The following DGKH variants were observed in gnomAD, a reference collection of about 807,000 sequenced individuals.
DGKH encodes diacylglycerol kinase eta, also known as DAG kinase eta.
DGKH carries 90 observed loss-of-function variants against 159.3 expected under a neutral mutation model. The observed-to-expected ratio is 0.57, with a 90% CI of 0.48 to 0.67. The LOEUF (loss-of-function observed/expected upper bound fraction) is 0.67, where lower values mean the gene tolerates loss of function less well. Ranked by LOEUF, DGKH falls within the 30% of genes least tolerant of loss-of-function variation. The probability of loss-of-function intolerance (pLI) is 0.00; values close to 1 mark genes in which losing one functional copy is unlikely to be tolerated. For missense variants in DGKH, 1,181 were observed against 1,506.1 expected (o/e 0.78, Z 3.57); for synonymous variants, 536 against 553.8 (o/e 0.97, Z 0.45).
At chr13:42,191,994 A>G (rs561248363) in intron 16 of DGKH, among the ~76,000 whole-genome samples, 110 of 152,240 alleles carry the variant, frequency 7.2e-4, no homozygotes, top group Admixed American at 8.5e-4. Context: ...TAATCTACCT[A>G]CTTCATTGGG....
At chr13:42,070,969 C>A in intron 1 of DGKH, 2 of 1,314,188 alleles carry the variant, frequency 1.5e-6, no homozygotes, top group Non-Finnish European at 1.1e-6. Flanking sequence ...TCTTTTGTCA[C>A]AATCATTGTC....
At chr13:42,160,283 A>T in intron 7 of DGKH, 147 bp downstream of exon 7, 2 of 1,123,542 alleles carry the variant, frequency 1.8e-6, no homozygotes, top group Non-Finnish European at 2.6e-6. Flanking sequence ...TTCTTTCCTT[A>T]CAGTATAGTC....
At position 42,099,218 on chromosome 13, in the gene DGKH, T is replaced by G. The variant is rs575772700; in HGVS notation, c.193-28245T>G. Among the ~76,000 whole-genome samples the G allele has an allele frequency of 5.3e-5, 8 of 152,326 alleles. No individual in the cohort carries two copies. In the South Asian group the frequency reaches 1.7e-3, roughly 32 times the overall value. On this transcript the variant is annotated intron_variant, in intron 1 of 29. Transcript: ENST00000337343. ...TCATCCTGTCCTGCTTGTGTTTCTT[T>G]GCCTTATTCCACATTATCAAGGCTT...
At chr13:42,097,318 C>T (rs1414310051) in intron 1 of DGKH, among the ~76,000 whole-genome samples, 1 of 152,220 alleles carries the variant, frequency 6.6e-6, no homozygotes, top group African/African-American at 2.4e-5. Context: ...CCTATCTCCC[C>T]CATTTTTCAT....
intron 21 of DGKH, among the ~76,000 whole-genome samples, chr13:42,206,685 C>T (rs1957481111): frequency 6.6e-6 from 1 of 152,122 alleles, no homozygotes; most frequent in Non-Finnish European, 1.5e-5. Flanking sequence ...CCCACATTCC[C>T]CTCCATCTTC....
At chr13:42,061,058 AGGAAGGG>A (rs139271462) in intron 1 of DGKH, among the ~76,000 whole-genome samples, 2,259 of 152,270 alleles carry the variant, frequency 0.015, 59 homozygotes, top group African/African-American at 0.051. Context: ...TCCTCCATAG[AGGAAGGG>A]GTCTCCGAGC....
intron 1 of DGKH, among the ~76,000 whole-genome samples, chr13:42,098,485 T>C (rs562488460): frequency 1.3e-3 from 166 of 131,136 alleles, no homozygotes; most frequent in Middle Eastern, 4.0e-3. Flanking sequence ...AGACTCTGTC[T>C]CAAAAAAAAA....
intron 7 of DGKH, among the ~76,000 whole-genome samples, chr13:42,163,041 T>C (rs2137991714): frequency 1.7e-5 from 2 of 117,942 alleles, no homozygotes; most frequent in Non-Finnish European, 1.7e-5. Context: ...GTCCCCAGAG[T>C]GTGATGTTCC....
intron 1 of DGKH, among the ~76,000 whole-genome samples, chr13:42,118,379 G>A (rs960796087): frequency 6.6e-6 from 1 of 152,102 alleles, no homozygotes; most frequent in Non-Finnish European, 1.5e-5. Flanking sequence ...AGTTGTTTAG[G>A]TCAACTCAAC....
At chr13:42,040,649 G>A (rs1477469222) in intron 1 of DGKH, among the ~76,000 whole-genome samples, 2 of 151,224 alleles carry the variant, frequency 1.3e-5, no homozygotes, top group East Asian at 3.9e-4. Context: ...CGGGACCGTG[G>A]AGAAGGAGGA....
chr13:42,205,585 A>C (rs911038950), intron 20 of DGKH, among the ~76,000 whole-genome samples: 1 of 152,154 alleles, frequency 6.6e-6, no homozygotes, highest in Non-Finnish European at 1.5e-5. Context: ...TTCAGCTTTG[A>C]GTTTCACCAG....
rs1566192691 is a variant in DGKH, at chr13:42,207,139, T to TC, written c.2601+993_2601+994insC. On this transcript the variant is annotated intron_variant, in intron 21 of 29. Coordinates refer to ENST00000337343, the MANE Select transcript of DGKH (RefSeq NM_178009.5). The stretch of plus-strand genomic sequence containing the variant: ...TCTTTCTCTCTCCTTCCTTCCTTCC[T>TC]TCCTTCCTTCCTTCCTTCCTTCCTT... Among the ~76,000 whole-genome samples the TC allele has an allele frequency of 7.2e-3, 228 of 31,816 alleles. 12 individuals are homozygous for TC. Among genetic ancestry groups the TC allele is most frequent in the Middle Eastern group, 0.022 (2 of 90 alleles). 20.9% of individuals were successfully genotyped at this position (31,816 alleles called of 152,430 possible).
At chr13:42,092,264 A>G (rs866782219) in intron 1 of DGKH, among the ~76,000 whole-genome samples, 2 of 152,248 alleles carry the variant, frequency 1.3e-5, no homozygotes, top group African/African-American at 4.8e-5. Context: ...GAAACGTATC[A>G]GTATACTGAA....
At chr13:42,219,654 G>A (rs928581433) in intron 27 of DGKH, 32 bp from the exon 28 acceptor site, 3 of 1,589,290 alleles carry the variant, frequency 1.9e-6, no homozygotes, top group African/African-American at 2.7e-5. Context: ...TTCATATCCT[G>A]AAAAAATTAT....
At chr13:42,161,017 G>A (rs1011204007) in intron 7 of DGKH, among the ~76,000 whole-genome samples, 2 of 152,112 alleles carry the variant, frequency 1.3e-5, no homozygotes, top group Admixed American at 6.5e-5. Context: ...TTGTCCTCAT[G>A]CTTTTGTTAT....
chr13:42,058,695 TGCAGATAGATGGA>T (rs995500486), intron 1 of DGKH, among the ~76,000 whole-genome samples: 1 of 152,222 alleles, frequency 6.6e-6, no homozygotes, highest in African/African-American at 2.4e-5. Flanking sequence ...CTTTTCCCCT[TGCAGATAGATGGA>T]GCTATGTAAC....
intron 3 of DGKH, among the ~76,000 whole-genome samples, chr13:42,142,773 C>T (rs1017009552): frequency 6.6e-6 from 1 of 152,142 alleles, no homozygotes; most frequent in Non-Finnish European, 1.5e-5. Flanking sequence ...CTGAAGTTGC[C>T]TATCACCTTA....
intron 1 of DGKH, among the ~76,000 whole-genome samples, chr13:42,111,909 A>AT (rs1168521241): frequency 1.3e-5 from 2 of 151,966 alleles, no homozygotes; most frequent in African/African-American, 2.4e-5. Flanking sequence ...GTGGAAAGCC[A>AT]TTTTTTTTAT....
chr13:42,139,221 G>A (rs984471040), intron 3 of DGKH, among the ~76,000 whole-genome samples: 3 of 152,112 alleles, frequency 2.0e-5, no homozygotes, highest in Admixed American at 1.3e-4. Context: ...GAACAGAACC[G>A]GTGTCTCCAC....
Sources: allele counts gnomAD v4.1 joint callset (sites outside exome capture counted in the v4.1 genomes callset), GRCh38; gene constraint gnomAD v4.1.1; transcripts MANE v1.5; gene names NCBI Gene and HGNC (gene_info 2026-07-23, HGNC 2026-07-21).